CCSER2: variants seen among roughly 807,000 people sequenced by gnomAD.
CCSER2 encodes serine-rich coiled-coil domain-containing protein 2.
In CCSER2, 46 loss-of-function variants were observed where a neutral mutation model predicts 92.3. The ratio of observed to expected loss-of-function variants is 0.50; its 90% CI spans 0.39 to 0.64. CCSER2 has a LOEUF of 0.64. Ranked by LOEUF, CCSER2 falls within the 30% of genes least tolerant of loss-of-function variation. CCSER2 has a pLI of 0.00. For missense variants in CCSER2, 1,244 were observed against 1,238.9 expected, an observed-to-expected ratio of 1.00 and a Z score of -0.06; for synonymous variants, 433 against 431.4, an observed-to-expected ratio of 1.00 and a Z score of -0.04.
intron 3 of CCSER2, chr10:84,391,377 T>A: frequency 6.9e-7 from 1 of 1,459,068 alleles, no homozygotes; most frequent in Non-Finnish European, 9.6e-7. Context: ...CAAAGTAACA[T>A]CCTAACACTA....
chr10:84,387,870 C>CTT (rs1380072150), intron 3 of CCSER2, among the ~76,000 whole-genome samples: 3 of 151,692 alleles, frequency 2.0e-5, no homozygotes, highest in African/African-American at 7.3e-5. Context: ...CTTTTCTTTT[C>CTT]TTTTGTTTTT....
intron 9 of CCSER2, among the ~76,000 whole-genome samples, chr10:84,501,837 ATATATAT>A (rs1564729861): frequency 2.7e-5 from 2 of 74,602 alleles, no homozygotes; most frequent in African/African-American, 8.5e-5. Flanking sequence ...AAAAAAAAAT[ATATATAT>A]ATATATATAT....
At position 84,457,977 on chromosome 10, in the gene CCSER2, C is replaced by T. The variant is rs141310910; in HGVS notation, c.2065-5956C>T. On this transcript the variant is annotated intron_variant, in intron 6 of 9. Transcript: ENST00000372088. ...GCCAGGCTGGTCTCAGAACTCCTGA[C>T]CTCAGGTGATCCGCCTGCTTCGGCC... Among the ~76,000 whole-genome samples, 423 of 151,924 alleles carry T rather than the reference C, an allele frequency of 2.8e-3. 3 individuals are homozygous for T. The highest frequency in any genetic ancestry group is 9.8e-3 in the African/African-American group (408 of 41,440).
intron 3 of CCSER2, among the ~76,000 whole-genome samples, chr10:84,406,090 G>A (rs1485829821): frequency 6.6e-6 from 1 of 152,194 alleles, no homozygotes; most frequent in African/African-American, 2.4e-5. Flanking sequence ...TACATTCGCA[G>A]TGGAATAGTA....
intron 9 of CCSER2, among the ~76,000 whole-genome samples, chr10:84,508,442 T>G (rs1324212643): frequency 2.0e-5 from 3 of 152,210 alleles, no homozygotes; most frequent in Non-Finnish European, 4.4e-5. Flanking sequence ...AAATTCCATT[T>G]CAGGGTAGTG....
rs572430501 is a variant in CCSER2 at position 84,367,001 on chromosome 10, G to A, written c.-39-4013G>A. ...GGTAAAATTAATGTGATTCCTACAG[G>A]ATTAAGTTATCCCCAGAGGCTCCAG... On this transcript the variant is annotated intron_variant, in intron 1 of 9. Coordinates refer to ENST00000372088, the MANE Select transcript of CCSER2 (RefSeq NM_001284240.2). 9.2e-5 allele frequency among the ~76,000 whole-genome samples: 14 copies of A among 152,270 alleles called. No individual in the cohort carries two copies. The South Asian group carries it at 2.9e-3, about 32-fold the overall frequency.
At chr10:84,445,926 T>C (rs897875716) in intron 6 of CCSER2, among the ~76,000 whole-genome samples, 4 of 152,190 alleles carry the variant, frequency 2.6e-5, no homozygotes, top group Non-Finnish European at 5.9e-5. Context: ...TATGTGTCTT[T>C]TGGTGAACAT....
chr10:84,434,727 T>C (rs1160781305), intron 5 of CCSER2, among the ~76,000 whole-genome samples: 8 of 152,174 alleles, frequency 5.3e-5, no homozygotes, highest in Admixed American at 5.2e-4. Context: ...CCAAGCACTT[T>C]AACATATATT....
At chr10:84,468,262 T>G (rs1846570688) in intron 7 of CCSER2, among the ~76,000 whole-genome samples, 1 of 152,192 alleles carries the variant, frequency 6.6e-6, no homozygotes, top group Non-Finnish European at 1.5e-5. Context: ...TGCTTATCCT[T>G]TGGAACTCCA....
In CCSER2 at chr10:84,372,035, C is replaced by T; in HGVS notation, c.983C>T (p.Ser328Phe). ...CCCTCTCTACTGAAATCTAGCCGAT[C>T]TCCATTTTCTGGGACTATGACAGTT... ...VHPSLLKSSR[S>F]PFSGTMTVDG... Residue 328 changes from serine to phenylalanine, a missense_variant, in exon 2 of 10, where the codon TCT (serine) becomes TTT (phenylalanine). Ser to Phe is a radical substitution (Grantham distance 155, BLOSUM62 -2). Coordinates refer to ENST00000372088, the MANE Select transcript of CCSER2 (RefSeq NM_001284240.2). 6.2e-7 allele frequency: 1 copy of T among 1,613,848 alleles called. No homozygotes were observed. Among genetic ancestry groups the T allele is most frequent in the African/African-American group, 1.3e-5 (1 of 75,016 alleles).
intron 1 of CCSER2, among the ~76,000 whole-genome samples, chr10:84,366,308 A>G (rs1589453588): frequency 6.6e-6 from 1 of 152,152 alleles, no homozygotes; most frequent in Non-Finnish European, 1.5e-5. Context: ...TCCACAAAAC[A>G]AAGTTCTTTT....
rs1420454309 is a variant in CCSER2, at chr10:84,517,441, A to C, written c.*3174A>C. The C allele has an allele frequency of 6.6e-6, 1 of 152,628 alleles. No individual in the cohort carries two copies. Among genetic ancestry groups the C allele is most frequent in the Admixed American group, 6.5e-5 (1 of 15,280 alleles). 9.5% of individuals were successfully genotyped at this position (152,628 alleles called of 1,614,324 possible). A position where few individuals can be genotyped will look rare whatever the true frequency, so the allele number is the denominator to read the frequency against. On this transcript the variant is annotated 3_prime_UTR_variant, in exon 10 of 10. Transcript: ENST00000372088. Reference sequence around the variant, plus strand: ...TGCAATATTTTCAGGCATATAGGCTACTGTTCATTGTATTTATATATATAT... The same window carrying C: ...TGCAATATTTTCAGGCATATAGGCTCCTGTTCATTGTATTTATATATATAT...
rs12220910 is a variant in CCSER2 at position 84,389,640 on chromosome 10, G to A, written c.1614+15825G>A. 1.7e-3 allele frequency: 309 copies of A among 186,704 alleles called. 6 individuals carry two copies. In the East Asian group the frequency reaches 0.048, roughly 29 times the overall value. The allele number at this position is 186,704 out of a possible 1,614,324, so 11.6% of individuals were successfully genotyped here. A position where few individuals can be genotyped will look rare whatever the true frequency, so the allele number is the denominator to read the frequency against. On this transcript the variant is annotated intron_variant, in intron 3 of 9. Coordinates refer to ENST00000372088, the MANE Select transcript of CCSER2 (RefSeq NM_001284240.2). Reference sequence around the variant, plus strand: ...TTCAGCAGCATGGTGGAGGCAGCTGGTGTTGGATGAACCTGGATTTGGTAC... The same window carrying A: ...TTCAGCAGCATGGTGGAGGCAGCTGATGTTGGATGAACCTGGATTTGGTAC...
rs1325569999 is a variant in CCSER2 at position 84,371,759 on chromosome 10, C to T, written c.707C>T (p.Ser236Leu). The part of the protein sequence containing the change: ...HSIQNSFLPP[S>L]SITRSHSFNR... Reference sequence around the variant, plus strand: ...ATTCAGAATTCATTCCTTCCACCTTCATCTATAACCAGATCACATTCCTTT... The same window carrying T: ...ATTCAGAATTCATTCCTTCCACCTTTATCTATAACCAGATCACATTCCTTT... Residue 236 changes from serine to leucine, a missense_variant, in exon 2 of 10, where the codon TCA becomes TTA. Ser to Leu is a moderately radical substitution (Grantham distance 145, BLOSUM62 -2). Transcript: ENST00000372088. 6.2e-6 allele frequency: 10 copies of T among 1,613,226 alleles called. No individual in the cohort carries two copies. Among genetic ancestry groups the T allele is most frequent in the Non-Finnish European group, 8.5e-6 (10 of 1,179,542 alleles).
At chr10:84,435,060 C>T (rs1382015926) in intron 5 of CCSER2, among the ~76,000 whole-genome samples, 1 of 152,004 alleles carries the variant, frequency 6.6e-6, no homozygotes, top group Non-Finnish European at 1.5e-5. Context: ...AAGAAAGTAG[C>T]ATTTCAGTAC....
intron 7 of CCSER2, among the ~76,000 whole-genome samples, chr10:84,467,876 A>G (rs1347891897): frequency 1.3e-5 from 2 of 151,978 alleles, no homozygotes; most frequent in Admixed American, 6.6e-5. Flanking sequence ...CTTTTCATCT[A>G]TATTATCACT....
chr10:84,454,444 A>T (rs952938766), intron 6 of CCSER2, among the ~76,000 whole-genome samples: 5 of 152,226 alleles, frequency 3.3e-5, no homozygotes, highest in African/African-American at 1.2e-4. Context: ...GTGCAGTTCT[A>T]TTGAGATGCA....
intron 3 of CCSER2, among the ~76,000 whole-genome samples, chr10:84,415,877 G>C (rs547612924): frequency 1.2e-4 from 18 of 152,184 alleles, no homozygotes; most frequent in African/African-American, 3.4e-4. Flanking sequence ...GGGTCTTAAC[G>C]TGTAAGGTGC....
intron 5 of CCSER2, among the ~76,000 whole-genome samples, chr10:84,432,531 G>A (rs746812735): frequency 6.6e-6 from 1 of 152,142 alleles, no homozygotes; most frequent in South Asian, 2.1e-4. Flanking sequence ...GCGTTAATTC[G>A]CTTAGAATAA....
Sources: gnomAD v4.1 joint callset for allele counts (sites outside exome capture counted in the v4.1 genomes callset) on GRCh38, gnomAD v4.1.1 for gene constraint, MANE v1.5 for transcripts, NCBI Gene and HGNC (gene_info 2026-07-23, HGNC 2026-07-21) for gene names.